CYRIB: variants seen among roughly 807,000 people sequenced by gnomAD.
CYRIB encodes CYFIP related Rac1 interactor B.
CYRIB carries 8 observed loss-of-function variants against 44.2 expected under a neutral mutation model. The ratio of observed to expected loss-of-function variants is 0.18; its 90% CI spans 0.11 to 0.33. CYRIB has a LOEUF of 0.33. CYRIB is among the 10% of genes least tolerant of loss of function. CYRIB has a pLI of 1.00. For missense variants in CYRIB, 185 were observed against 382.8 expected (o/e 0.48, Z 4.31); for synonymous variants, 131 against 127.2 (o/e 1.03, Z -0.20).
At chr8:130,010,043 T>C (rs1486514087) in intron 1 of CYRIB, among the ~76,000 whole-genome samples, 1 of 152,186 alleles carries the variant, frequency 6.6e-6, no homozygotes. Context: ...CCTTAACTCC[T>C]CTGCACAACG....
At chr8:129,901,162 G>C (rs557955748) in intron 2 of CYRIB, among the ~76,000 whole-genome samples, 24 of 152,178 alleles carry the variant, frequency 1.6e-4, no homozygotes, top group African/African-American at 5.1e-4. Context: ...TGTTATTATG[G>C]ACCAGCAAAT....
At chr8:129,886,171 G>A (rs1015101679) in intron 2 of CYRIB, among the ~76,000 whole-genome samples, 7 of 152,072 alleles carry the variant, frequency 4.6e-5, no homozygotes, top group Non-Finnish European at 1.5e-5. Context: ...TTCAAACTCC[G>A]ATTCTTTCAA....
At chr8:129,870,451 C>T (rs2056689344) in intron 4 of CYRIB, among the ~76,000 whole-genome samples, 1 of 152,248 alleles carries the variant, frequency 6.6e-6, no homozygotes, top group African/African-American at 2.4e-5. Context: ...TCTCTCTCTT[C>T]CCTTGCCCTA....
At chr8:129,982,478 A>G (rs2096274047) in intron 1 of CYRIB, among the ~76,000 whole-genome samples, 1 of 152,176 alleles carries the variant, frequency 6.6e-6, no homozygotes, top group South Asian at 2.1e-4. Flanking sequence ...CTGGTTTTCC[A>G]TTTATGGAAT....
intron 3 of CYRIB, among the ~76,000 whole-genome samples, chr8:129,879,014 C>T (rs552720008): frequency 1.3e-5 from 2 of 152,150 alleles, no homozygotes; most frequent in South Asian, 2.1e-4. Context: ...GAAACCTGGT[C>T]GATTTTTCTT....
intron 1 of CYRIB, among the ~76,000 whole-genome samples, chr8:129,977,034 GTT>G (rs1417777532): frequency 1.3e-5 from 2 of 152,096 alleles, no homozygotes; most frequent in African/African-American, 4.8e-5. Flanking sequence ...TGGAGACGGG[GTT>G]TCACCATGTT....
At chr8:129,900,553 G>A (rs1378792955) in intron 2 of CYRIB, among the ~76,000 whole-genome samples, 3 of 152,162 alleles carry the variant, frequency 2.0e-5, no homozygotes, top group African/African-American at 7.2e-5. Flanking sequence ...GTGACTTTCT[G>A]CAAGTCTCTA....
intron 1 of CYRIB, among the ~76,000 whole-genome samples, chr8:129,928,587 G>C (rs2089430365): frequency 6.6e-6 from 1 of 151,776 alleles, no homozygotes; most frequent in African/African-American, 2.4e-5. Flanking sequence ...TTGAGCCCAG[G>C]AGTTCTAGGC....
chr8:129,904,572 T>C (rs1345732228), intron 1 of CYRIB: 1 of 152,190 alleles, frequency 6.6e-6, no homozygotes, highest in Non-Finnish European at 1.5e-5. Context: ...CTAACAGGTG[T>C]GCAAATGAAT....
chr8:129,916,375 A>G (rs546048464), intron 1 of CYRIB, among the ~76,000 whole-genome samples: 2 of 152,160 alleles, frequency 1.3e-5, no homozygotes, highest in African/African-American at 4.8e-5. Context: ...GTCAAGCACT[A>G]TAAGAGACAC....
chr8:129,846,086 T>A (rs1488662486), intron 11 of CYRIB, among the ~76,000 whole-genome samples: 1 of 152,210 alleles, frequency 6.6e-6, no homozygotes, highest in Non-Finnish European at 1.5e-5. Context: ...AAGCCAAGAT[T>A]GTGCCACTGT....
upstream of CYRIB, among the ~76,000 whole-genome samples, chr8:129,943,352 T>C (rs1381846612): frequency 6.6e-6 from 1 of 151,588 alleles, no homozygotes; most frequent in African/African-American, 2.4e-5. Flanking sequence ...TTTGGGAGGC[T>C]GAGGCAGGCA....
chr8:130,002,634 A>G (rs1476665562), intron 1 of CYRIB, among the ~76,000 whole-genome samples: 1 of 152,230 alleles, frequency 6.6e-6, no homozygotes, highest in Non-Finnish European at 1.5e-5. Flanking sequence ...ATTTCCTCAA[A>G]GTCTTGTTTC....
chr8:129,842,065 C>G, exon 12 of CYRIB: 1 of 939,058 alleles, frequency 1.1e-6, no homozygotes, highest in Non-Finnish European at 1.7e-6. Flanking sequence ...ATAGTAATTG[C>G]AATCACTAAA....
At chr8:129,843,301 ATT>A (rs1306847606) in intron 11 of CYRIB, among the ~76,000 whole-genome samples, 2 of 152,252 alleles carry the variant, frequency 1.3e-5, no homozygotes. Context: ...AGTGGAGCAT[ATT>A]AAGCAGGAGA....
chr8:129,883,354 C>CA (rs1402679569), intron 2 of CYRIB, among the ~76,000 whole-genome samples: 1 of 151,896 alleles, frequency 6.6e-6, no homozygotes, highest in Non-Finnish European at 1.5e-5. Context: ...CTCCTGGGGG[C>CA]AAAATCACCC....
chr8:130,011,116 G>A (rs543750710), intron 1 of CYRIB, among the ~76,000 whole-genome samples: 10 of 152,062 alleles, frequency 6.6e-5, no homozygotes, highest in African/African-American at 1.7e-4. Context: ...CTAGAAGCCC[G>A]CCACTGACTC....
chr8:130,015,692 C>G (rs930216341), intron 1 of CYRIB, among the ~76,000 whole-genome samples: 24 of 152,176 alleles, frequency 1.6e-4, no homozygotes, highest in Admixed American at 1.5e-3. Flanking sequence ...TTTCCCAACC[C>G]CAGTGTGTGT....
chr8:129,864,751 TCGGTA>T, intron 4 of CYRIB: 1 of 364,328 alleles, frequency 2.7e-6, no homozygotes, highest in South Asian at 2.3e-5. Flanking sequence ...CTCAAAGCCT[TCGGTA>T]CATTGCTAAG....
Sources: allele counts gnomAD v4.1 joint callset (sites outside exome capture counted in the v4.1 genomes callset), GRCh38; gene constraint gnomAD v4.1.1; transcripts MANE v1.5; gene names NCBI Gene and HGNC (gene_info 2026-07-23, HGNC 2026-07-21).